SNX24: variants seen among roughly 807,000 people sequenced by gnomAD.
SNX24 encodes sorting nexin-24.
Under a neutral mutation model 28.7 loss-of-function variants are expected in SNX24, and 22 were observed. The observed-to-expected ratio is 0.77, with a 90% CI of 0.55 to 1.10. The LOEUF (loss-of-function observed/expected upper bound fraction) is 1.10, where lower values mean the gene tolerates loss of function less well. SNX24 is among the 50% of genes least tolerant of loss of function. SNX24 has a pLI of 0.00. For synonymous variants in SNX24, 69 were observed against 71.5 expected (o/e 0.96, Z 0.18); for missense variants, 221 against 201.1 (o/e 1.10, Z -0.60).
At chr5:123,016,533 C>T (rs965214049) in intron 5 of SNX24, among the ~76,000 whole-genome samples, 3 of 152,124 alleles carry the variant, frequency 2.0e-5, no homozygotes, top group African/African-American at 7.2e-5. Flanking sequence ...TTTTAAAAGA[C>T]TACTGCAGTT....
intron 1 of SNX24, among the ~76,000 whole-genome samples, chr5:122,916,071 C>A (rs916249087): frequency 6.6e-6 from 1 of 152,210 alleles, no homozygotes; most frequent in African/African-American, 2.4e-5. Context: ...CATGTTTACA[C>A]ATAAAAGTGA....
At chr5:122,911,291 C>A (rs28884241) in intron 1 of SNX24, among the ~76,000 whole-genome samples, 3,538 of 152,158 alleles carry the variant, frequency 0.023, 57 homozygotes, top group Non-Finnish European at 0.037. Context: ...CTGTTCATAT[C>A]CTTTGCCCAC....
At chr5:123,014,333 A>ATTTTTTTTTTTTTTTTTTTTTTTTTTTTT (rs70988553) in intron 5 of SNX24, among the ~76,000 whole-genome samples, 1 of 77,270 alleles carries the variant, frequency 1.3e-5, no homozygotes. Context: ...TGCCCAGCTG[A>ATTTTTTTTTTTTTTTTTTTTTTTTTTTTT]TTTTTTTTTT....
chr5:123,014,333 A>ATT (rs70988553), intron 5 of SNX24, among the ~76,000 whole-genome samples: 3,977 of 77,158 alleles, frequency 0.052, 627 homozygotes, highest in Non-Finnish European at 0.072. Flanking sequence ...TGCCCAGCTG[A>ATT]TTTTTTTTTT....
At chr5:123,027,880 A>G (rs1762884394) in intron 5 of SNX24, among the ~76,000 whole-genome samples, 1 of 152,250 alleles carries the variant, frequency 6.6e-6, no homozygotes, top group Non-Finnish European at 1.5e-5. Flanking sequence ...CTTTTAAGAG[A>G]AAACAGTGTA....
chr5:123,002,083 C>T (rs760076080), intron 6 of SNX24, 79 bp downstream of exon 6: 14 of 1,094,242 alleles, frequency 1.3e-5, no homozygotes, highest in Non-Finnish European at 1.4e-5. Flanking sequence ...TAATACAGGT[C>T]TAACAGAGTG....
At chr5:122,915,011 G>A (rs1758098198) in intron 1 of SNX24, among the ~76,000 whole-genome samples, 1 of 152,114 alleles carries the variant, frequency 6.6e-6, no homozygotes, top group African/African-American at 2.4e-5. Context: ...CACGTTGAGT[G>A]TCCGTGATCC....
At chr5:122,911,192 T>G (rs1419245710) in intron 1 of SNX24, among the ~76,000 whole-genome samples, 1 of 152,202 alleles carries the variant, frequency 6.6e-6, no homozygotes, top group East Asian at 1.9e-4. Context: ...CTCATTGTGG[T>G]TTTGATTTGC....
intron 3 of SNX24, among the ~76,000 whole-genome samples, chr5:122,973,031 C>A (rs1345961974): frequency 1.3e-5 from 2 of 152,142 alleles, no homozygotes; most frequent in Non-Finnish European, 2.9e-5. Flanking sequence ...GGAAAGAGAC[C>A]GAGTGGTGTC....
At chr5:122,975,124 A>G (rs1761114445) in intron 3 of SNX24, among the ~76,000 whole-genome samples, 1 of 152,110 alleles carries the variant, frequency 6.6e-6, no homozygotes, top group African/African-American at 2.4e-5. Flanking sequence ...ACCTTAATGC[A>G]CTTTAGTTGA....
At chr5:122,919,385 C>T (rs1022866597) in intron 1 of SNX24, among the ~76,000 whole-genome samples, 7 of 151,994 alleles carry the variant, frequency 4.6e-5, no homozygotes, top group Non-Finnish European at 7.4e-5. Flanking sequence ...ATGGTACTAG[C>T]AAAGAAGTAG....
intron 1 of SNX24, among the ~76,000 whole-genome samples, chr5:122,912,302 A>C (rs1400083301): frequency 6.8e-6 from 1 of 146,452 alleles, no homozygotes. Flanking sequence ...AATGCTTGTG[A>C]TTTTTGTACA....
chr5:122,859,199 A>C lies in SNX24; in HGVS notation c.60+13506A>C, dbSNP rs74602967. ...TTCCTTAAGAGATTTAGGGAAAGGA[A>C]AAAGTTAATGGCTCATGCCTTCAGT... On this transcript the variant is annotated intron_variant, in intron 1 of 6. Coordinates refer to ENST00000261369, the MANE Select transcript of SNX24 (RefSeq NM_014035.4). Among the ~76,000 whole-genome samples, 695 of 152,330 alleles carry C rather than the reference A, an allele frequency of 4.6e-3. 5 individuals carry two copies. Among genetic ancestry groups the C allele is most frequent in the African/African-American group, 0.015 (642 of 41,562 alleles).
downstream of SNX24, among the ~76,000 whole-genome samples, chr5:123,010,918 TAAA>T (rs764753268): frequency 1.4e-5 from 2 of 147,318 alleles, no homozygotes; most frequent in African/African-American, 5.0e-5. Flanking sequence ...ATTCTCTTTT[TAAA>T]AAAAAAAAGC....
At chr5:122,957,020 G>C in intron 3 of SNX24, among the ~76,000 whole-genome samples, 1 of 152,094 alleles carries the variant, frequency 6.6e-6, no homozygotes, top group South Asian at 2.1e-4. Flanking sequence ...AAATTTTCAT[G>C]AAGTGCCATT....
chr5:122,889,656 T>C (rs1756869412), intron 1 of SNX24, among the ~76,000 whole-genome samples: 1 of 147,126 alleles, frequency 6.8e-6, no homozygotes, highest in Non-Finnish European at 1.5e-5. Flanking sequence ...CATATGTATA[T>C]ATATGTGTAT....
At chr5:122,978,128 A>G (rs948849470) in intron 3 of SNX24, among the ~76,000 whole-genome samples, 5 of 152,186 alleles carry the variant, frequency 3.3e-5, no homozygotes, top group African/African-American at 1.2e-4. Flanking sequence ...TTAATCTTTA[A>G]CAATGCACTT....
intron 3 of SNX24, among the ~76,000 whole-genome samples, chr5:122,959,051 A>G (rs559587734): frequency 6.6e-6 from 1 of 152,240 alleles, no homozygotes; most frequent in African/African-American, 2.4e-5. Flanking sequence ...ATTTTTTGGA[A>G]AAGTTTGAAA....
chr5:122,910,753 A>G (rs1757848383), intron 1 of SNX24, among the ~76,000 whole-genome samples: 1 of 151,712 alleles, frequency 6.6e-6, no homozygotes, highest in Non-Finnish European at 1.5e-5. Context: ...TTTACTGAGA[A>G]TGATGATTTC....
Sources: gnomAD v4.1 joint callset for allele counts (sites outside exome capture counted in the v4.1 genomes callset) on GRCh38, gnomAD v4.1.1 for gene constraint, MANE v1.5 for transcripts, NCBI Gene and HGNC (gene_info 2026-07-23, HGNC 2026-07-21) for gene names.